The following CEP128 variants were observed in gnomAD, a reference collection of about 807,000 sequenced individuals.
CEP128 encodes centrosomal protein 128kDa.
Under a neutral mutation model 156.7 loss-of-function variants are expected in CEP128, and 132 were observed. That is an observed-to-expected ratio of 0.84 (90% CI 0.73 to 0.97). The LOEUF (loss-of-function observed/expected upper bound fraction) is 0.97, where lower values mean the gene tolerates loss of function less well. Ranked by LOEUF, CEP128 falls within the 50% of genes least tolerant of loss-of-function variation. CEP128 has a pLI of 0.00. For missense variants in CEP128, 1,252 were observed against 1,281.9 expected (o/e 0.98, Z 0.36); for synonymous variants, 469 against 448.9 (o/e 1.04, Z -0.57).
intron 19 of CEP128, among the ~76,000 whole-genome samples, chr14:80,715,774 ATTACTAATCTCACTGTACCTGAG>A (rs1897580200): frequency 6.6e-6 from 1 of 152,210 alleles, no homozygotes; most frequent in Non-Finnish European, 1.5e-5. Context: ...TCTTGGATGA[ATTACTAATCTCACTGTACCTGAG>A]TTTCTTCATC....
At chr14:80,505,759 T>G (rs765934432) in intron 23 of CEP128, among the ~76,000 whole-genome samples, 1 of 152,200 alleles carries the variant, frequency 6.6e-6, no homozygotes, top group Non-Finnish European at 1.5e-5. Context: ...TATACTTTCC[T>G]TTGATAAACA....
chr14:80,495,887 C>T (rs566707093), downstream of CEP128, among the ~76,000 whole-genome samples: 8 of 152,250 alleles, frequency 5.3e-5, no homozygotes, highest in African/African-American at 1.4e-4. Flanking sequence ...GTTGGTCAAA[C>T]CATCAATGGA....
intron 19 of CEP128, among the ~76,000 whole-genome samples, chr14:80,695,008 C>T (rs978814898): frequency 2.6e-5 from 4 of 151,102 alleles, no homozygotes; most frequent in African/African-American, 9.7e-5. Flanking sequence ...TAGTTTGTTG[C>T]TTAAATTATT....
At chr14:80,638,672 G>A (rs1007697136) in intron 19 of CEP128, among the ~76,000 whole-genome samples, 6 of 152,112 alleles carry the variant, frequency 3.9e-5, no homozygotes, top group East Asian at 1.9e-4. Flanking sequence ...ATTCCAACAC[G>A]GTAGGGGCAG....
At chr14:80,873,415 T>C (rs1888125431) in intron 8 of CEP128, among the ~76,000 whole-genome samples, 1 of 152,208 alleles carries the variant, frequency 6.6e-6, no homozygotes, top group South Asian at 2.1e-4. Flanking sequence ...ATTTGCTATG[T>C]GAAAGAAATC....
chr14:80,781,825 G>C (rs1001993049), intron 15 of CEP128, among the ~76,000 whole-genome samples: 2 of 152,132 alleles, frequency 1.3e-5, no homozygotes, highest in Non-Finnish European at 2.9e-5. Flanking sequence ...ATGCATATCG[G>C]AATGTGAGAA....
At chr14:80,856,963 G>T (rs1325633504) in intron 9 of CEP128, among the ~76,000 whole-genome samples, 2 of 151,328 alleles carry the variant, frequency 1.3e-5, no homozygotes, top group African/African-American at 4.9e-5. Context: ...GGCCAGGCTG[G>T]TCTCAAACTC....
In CEP128 at chr14:80,530,822, A is replaced by C. The variant is rs1312941750; in HGVS notation, c.2945T>G (p.Phe982Cys). Reference protein sequence around the residue: ...VPEKLSLLEDFKDFRDSCSSS... With the variant: ...VPEKLSLLEDCKDFRDSCSSS... ...ACTCTTTCTCACTCTGAAGTCTTTG[A>C]AATCTTCTAGTAGGCTCAGTTTCTC... is the stretch of plus-strand genomic sequence containing the variant. The change falls in exon 22 of 25, where the codon TTC becomes TGC. Residue 982 changes from phenylalanine to cysteine, a missense_variant. Physicochemically the swap from Phe to Cys is radical, Grantham distance 205. Coordinates refer to ENST00000555265, the MANE Select transcript of CEP128 (RefSeq NM_152446.5). 1 of 1,603,986 alleles carries C rather than the reference A, an allele frequency of 6.2e-7. No homozygotes were observed. Among genetic ancestry groups the C allele is most frequent in the Admixed American group, 1.7e-5 (1 of 59,184 alleles).
intron 19 of CEP128, among the ~76,000 whole-genome samples, chr14:80,670,593 C>T (rs188077465): frequency 6.6e-6 from 1 of 152,138 alleles, no homozygotes; most frequent in Non-Finnish European, 1.5e-5. Flanking sequence ...TACACATGGA[C>T]ATAGAGTGTG....
In CEP128 at chr14:80,914,363, A is replaced by C; in HGVS notation, c.193T>G (p.Tyr65Asp). The change falls in exon 4 of 25, where the codon TAC (tyrosine) becomes GAC (aspartate). Residue 65 changes from tyrosine to aspartate, a missense_variant. Tyr to Asp is a radical substitution (Grantham distance 160). Transcript: ENST00000555265. ...LRQVDQMLGR[Y>D]REYSNGQAGA... ...GCCTGTCCATTACTGTATTCTCGGTATCGTCCAAGCATCTGGTCCACTTGT... is the reference window on the plus strand; with the variant it reads ...GCCTGTCCATTACTGTATTCTCGGTCTCGTCCAAGCATCTGGTCCACTTGT... The C allele has an allele frequency of 6.2e-7, 1 of 1,614,050 alleles. No individual in the cohort carries two copies. Among genetic ancestry groups the C allele is most frequent in the Admixed American group, 1.7e-5 (1 of 60,022 alleles).
intron 20 of CEP128, among the ~76,000 whole-genome samples, chr14:80,559,855 A>G (rs1248439164): frequency 6.6e-6 from 1 of 152,224 alleles, no homozygotes; most frequent in African/African-American, 2.4e-5. Flanking sequence ...ATAGGCCTTC[A>G]TTGTCTACAG....
intron 8 of CEP128, among the ~76,000 whole-genome samples, chr14:80,870,943 T>A (rs2139255036): frequency 6.6e-6 from 1 of 151,500 alleles, no homozygotes; most frequent in African/African-American, 2.4e-5. Context: ...GCAGCATTTC[T>A]ATACATAACA....
At chr14:80,626,061 A>C (rs184956649) in intron 19 of CEP128, among the ~76,000 whole-genome samples, 2 of 152,360 alleles carry the variant, frequency 1.3e-5, no homozygotes, top group African/African-American at 2.4e-5. Flanking sequence ...ATGTGAATAC[A>C]TAACTTTACA....
At chr14:80,739,934 C>T (rs1260947439) in intron 19 of CEP128, among the ~76,000 whole-genome samples, 2 of 152,098 alleles carry the variant, frequency 1.3e-5, no homozygotes, top group African/African-American at 4.8e-5. Context: ...TCAACTTCTG[C>T]CAAATATTTG....
intron 16 of CEP128, among the ~76,000 whole-genome samples, chr14:80,771,692 T>C (rs1020855827): frequency 2.0e-5 from 3 of 152,228 alleles, no homozygotes; most frequent in African/African-American, 4.8e-5. Flanking sequence ...AATTGTTTCA[T>C]TGAAGTTTTT....
chr14:80,584,397 C>T (rs550139961), intron 19 of CEP128, among the ~76,000 whole-genome samples: 16 of 152,150 alleles, frequency 1.1e-4, no homozygotes, highest in Admixed American at 2.0e-4. Context: ...CCGCCCGCCT[C>T]GGCCTCCCAA....
chr14:80,734,722 C>T (rs746450020), intron 19 of CEP128, among the ~76,000 whole-genome samples: 4 of 151,600 alleles, frequency 2.6e-5, no homozygotes, highest in Non-Finnish European at 4.4e-5. Context: ...GTGGTACACA[C>T]CTGTAATCCC....
chr14:80,901,214 A>T (rs1883545384), intron 6 of CEP128, among the ~76,000 whole-genome samples: 1 of 151,998 alleles, frequency 6.6e-6, no homozygotes, highest in African/African-American at 2.4e-5. Flanking sequence ...TCAAAAAAAA[A>T]AATAAATAAA....
intron 19 of CEP128, among the ~76,000 whole-genome samples, chr14:80,619,647 A>C (rs1392961874): frequency 6.6e-6 from 1 of 151,304 alleles, no homozygotes; most frequent in African/African-American, 2.4e-5. Flanking sequence ...GGTTGCAGCG[A>C]GCTGAGATCA....
Sources: gnomAD v4.1 joint callset for allele counts (sites outside exome capture counted in the v4.1 genomes callset) on GRCh38, gnomAD v4.1.1 for gene constraint, MANE v1.5 for transcripts, NCBI Gene and HGNC (gene_info 2026-07-23, HGNC 2026-07-21) for gene names.